Variants in ECPAS observed in about 807,000 individuals in gnomAD.
ECPAS encodes the protein Ecm29 proteasome adaptor and scaffold, also known as proteasome adapter and scaffold protein ECM29.
Under a neutral mutation model 255.1 loss-of-function variants are expected in ECPAS, and 70 were observed. The observed-to-expected ratio is 0.27, with a 90% CI of 0.23 to 0.33. ECPAS has a LOEUF of 0.33. Among genes scored for constraint, ECPAS ranks in the 10% least tolerant of loss-of-function variants. The pLI is 1.00. For missense variants in ECPAS, 1,817 were observed against 2,206.4 expected (o/e 0.82, Z 3.54); for synonymous variants, 784 against 775.0 (o/e 1.01, Z -0.19).
At chr9:111,394,920 G>A (rs903466936) in intron 25 of ECPAS, among the ~76,000 whole-genome samples, 1 of 152,180 alleles carries the variant, frequency 6.6e-6, no homozygotes, top group African/African-American at 2.4e-5. Flanking sequence ...TTAAACTCAT[G>A]TTCAAACTTT....
intron 46 of ECPAS, 136 bp from the exon 47 acceptor site, chr9:111,366,763 G>C: frequency 1.6e-6 from 1 of 623,296 alleles, no homozygotes; most frequent in South Asian, 2.0e-5. Context: ...GAGGATAAGA[G>C]AGAGAAAAGC....
rs1295413250 is a variant in ECPAS, at chr9:111,361,309, T to A, written c.*721A>T. On this transcript the variant is annotated 3_prime_UTR_variant, in exon 50 of 50. Transcript: ENST00000684092. The stretch of plus-strand genomic sequence containing the variant: ...TTGGAATTATCCGAAGGAGACTGAC[T>A]CTGTCCTCTCCATCTGTAAAGATGC... 1.3e-5 allele frequency: 2 copies of A among 152,234 alleles called. No homozygotes were observed. Among genetic ancestry groups the A allele is most frequent in the Non-Finnish European group, 2.9e-5 (2 of 68,042 alleles). The allele number at this position is 152,234 out of a possible 1,614,324, so 9.4% of individuals were successfully genotyped here. A position where few individuals can be genotyped will look rare whatever the true frequency, so the allele number is the denominator to read the frequency against.
At chr9:111,445,670 G>T (rs2098251941) in intron 3 of ECPAS, among the ~76,000 whole-genome samples, 1 of 152,028 alleles carries the variant, frequency 6.6e-6, no homozygotes, top group Non-Finnish European at 1.5e-5. Flanking sequence ...TCTGGGAGTT[G>T]TTTTTTGTTT....
chr9:111,482,649 G>T (rs1262100185), intron 1 of ECPAS, among the ~76,000 whole-genome samples: 1 of 150,596 alleles, frequency 6.6e-6, no homozygotes, highest in African/African-American at 2.4e-5. Flanking sequence ...GCAGCATTGG[G>T]AGAAAAAAAA....
intron 2 of ECPAS, among the ~76,000 whole-genome samples, chr9:111,469,468 A>G (rs1033589261): frequency 2.0e-5 from 3 of 149,974 alleles, no homozygotes; most frequent in Non-Finnish European, 4.4e-5. Flanking sequence ...CGGGAGGTGG[A>G]GCAGTGAGCC....
Position 111,478,420 on chromosome 9 carries a change from A to G in ECPAS, c.-82-5420T>C, listed in dbSNP as rs1329185833. 4.6e-5 allele frequency among the ~76,000 whole-genome samples: 7 copies of G among 151,998 alleles called. No homozygotes were observed. In the East Asian group the frequency reaches 7.8e-4, roughly 17 times the overall value. ...CGCACACCTGTAATCCCAGCTACTC[A>G]GGAGGCTGAGGCAGGAGAATCGCTT... On this transcript the variant is annotated intron_variant, in intron 1 of 49. Coordinates refer to ENST00000684092, the MANE Select transcript of ECPAS (RefSeq NM_001364929.1).
chr9:111,463,845 T>C (rs1182974418), intron 2 of ECPAS, among the ~76,000 whole-genome samples: 1 of 152,184 alleles, frequency 6.6e-6, no homozygotes, highest in Non-Finnish European at 1.5e-5. Context: ...GGGGTACATA[T>C]TGATACAATC....
Position 111,384,534 on chromosome 9 carries a change from T to G in ECPAS, c.3669A>C (p.Lys1223Asn), listed in dbSNP as rs752014982. ...SVRKAAELAL[K>N]TLSKVCVKMC... ...ACGGGGTTTTCACCTTGCTCAGAGT[T>G]TTCAGAGCTAGTTCTGCCGCTTTTC... is the stretch of plus-strand genomic sequence containing the variant. Residue 1223 changes from lysine (K) to asparagine (N), a missense_variant, in exon 34 of 50, where the codon AAA (lysine) becomes AAC (asparagine). Physicochemically the swap from Lys to Asn is moderately conservative, Grantham distance 94. Coordinates refer to ENST00000684092, the MANE Select transcript of ECPAS (RefSeq NM_001364929.1). The G allele has an allele frequency of 1.2e-6, 2 of 1,613,790 alleles. No individual in the cohort carries two copies. The highest frequency in any genetic ancestry group is 3.3e-5 in the Admixed American group (2 of 60,018).
intron 10 of ECPAS, among the ~76,000 whole-genome samples, chr9:111,426,989 A>C (rs2098222649): frequency 6.6e-6 from 1 of 152,078 alleles, no homozygotes; most frequent in South Asian, 2.1e-4. Context: ...AACCACAAAA[A>C]GATATGGGAC....
At chr9:111,380,823 G>A (rs977447998) in intron 35 of ECPAS, among the ~76,000 whole-genome samples, 14 of 152,174 alleles carry the variant, frequency 9.2e-5, no homozygotes, top group Admixed American at 5.2e-4. Flanking sequence ...TAAACCTCAT[G>A]AGCCAACCTC....
chr9:111,422,461 T>C (rs1004053028), intron 13 of ECPAS, among the ~76,000 whole-genome samples: 7 of 152,226 alleles, frequency 4.6e-5, no homozygotes, highest in Non-Finnish European at 7.3e-5. Flanking sequence ...ATGAAGAAAT[T>C]AGGTAAGACC....
At chr9:111,385,927 C>T (rs1040956587) in intron 32 of ECPAS, among the ~76,000 whole-genome samples, 5 of 152,254 alleles carry the variant, frequency 3.3e-5, no homozygotes, top group Admixed American at 2.6e-4. Flanking sequence ...CTAATGTAGC[C>T]AACAAGAAAT....
intron 3 of ECPAS, among the ~76,000 whole-genome samples, chr9:111,450,908 G>C (rs2098259420): frequency 6.6e-6 from 1 of 152,192 alleles, no homozygotes; most frequent in South Asian, 2.1e-4. Flanking sequence ...CTGGGTGATA[G>C]AGTGAGACCC....
intron 2 of ECPAS, among the ~76,000 whole-genome samples, chr9:111,460,500 A>G (rs981758362): frequency 2.0e-5 from 3 of 152,198 alleles, no homozygotes; most frequent in Admixed American, 6.5e-5. Context: ...TAAGACAAAG[A>G]AAAATAAAAT....
chr9:111,440,114 TG>T (rs2098243785), intron 6 of ECPAS, among the ~76,000 whole-genome samples: 1 of 152,116 alleles, frequency 6.6e-6, no homozygotes, highest in Non-Finnish European at 1.5e-5. Flanking sequence ...CGTCCCACCT[TG>T]GCCTAACAGG....
chr9:111,449,877 C>T (rs556720756), intron 3 of ECPAS, among the ~76,000 whole-genome samples: 22 of 152,270 alleles, frequency 1.4e-4, no homozygotes, highest in African/African-American at 5.1e-4. Flanking sequence ...TTCCTGAAGG[C>T]ATCACACTCT....
Position 111,361,030 on chromosome 9 carries a change from T to A in ECPAS, c.*1000A>T, listed in dbSNP as rs964022366. On this transcript the variant is annotated 3_prime_UTR_variant, in exon 50 of 50. Coordinates refer to ENST00000684092, the MANE Select transcript of ECPAS (RefSeq NM_001364929.1). ...ATTTACTTGGAGTGGTATCATGTTCTTTTGAGAAAAGGCATTTTTTAAAAG... is the reference window on the plus strand; with the variant it reads ...ATTTACTTGGAGTGGTATCATGTTCATTTGAGAAAAGGCATTTTTTAAAAG... 2.6e-5 allele frequency: 4 copies of A among 152,206 alleles called. No individual in the cohort carries two copies. Among genetic ancestry groups the A allele is most frequent in the African/African-American group, 7.2e-5 (3 of 41,450 alleles). 9.4% of individuals were successfully genotyped at this position (152,206 alleles called of 1,614,324 possible).
chr9:111,484,294 C>G lies in ECPAS; in HGVS notation c.-261G>C, dbSNP rs1333286476. The G allele has an allele frequency of 6.5e-6, 10 of 1,547,944 alleles. No homozygotes were observed. Among genetic ancestry groups the G allele is most frequent in the Non-Finnish European group, 8.7e-6 (10 of 1,148,598 alleles). On this transcript the variant is annotated 5_prime_UTR_variant, in exon 1 of 50. Transcript: ENST00000684092. ...CCGGGGGAAATCCTCGAGGCGGGGC[C>G]GGAGCGCCCTTTTCCGAGGTCTGCG...
intron 2 of ECPAS, among the ~76,000 whole-genome samples, chr9:111,454,430 C>A (rs190243087): frequency 6.6e-6 from 1 of 151,996 alleles, no homozygotes; most frequent in Non-Finnish European, 1.5e-5. Context: ...CTCTCCCTCA[C>A]GAGACAGGCA....
Sources: gnomAD v4.1 joint callset for allele counts (sites outside exome capture counted in the v4.1 genomes callset) on GRCh38, gnomAD v4.1.1 for gene constraint, MANE v1.5 for transcripts, NCBI Gene and HGNC (gene_info 2026-07-23, HGNC 2026-07-21) for gene names.